The following PARP1 variants were observed in gnomAD, a reference collection of about 807,000 sequenced individuals.
The protein encoded by PARP1 is poly [ADP-ribose] polymerase 1.
In PARP1, 44 loss-of-function variants were observed where a neutral mutation model predicts 118.7. The observed-to-expected ratio is 0.37, with a 90% CI of 0.29 to 0.48. PARP1 has a LOEUF of 0.48. PARP1 is among the 20% of genes least tolerant of loss of function. PARP1 has a pLI of 0.99. For missense variants in PARP1, 1,100 were observed against 1,272.4 expected, an observed-to-expected ratio of 0.86 and a Z score of 2.06; for synonymous variants, 492 against 483.2, an observed-to-expected ratio of 1.02 and a Z score of -0.24.
chr1:226,393,660 A>G (rs1380066475), intron 2 of PARP1, among the ~76,000 whole-genome samples: 2 of 152,246 alleles, frequency 1.3e-5, no homozygotes, highest in Non-Finnish European at 2.9e-5. Context: ...GGCAAAATTA[A>G]TCTATGGGGA....
chr1:226,364,805 G>A lies in PARP1; in HGVS notation c.2658+197C>T, dbSNP rs187149076. 3.3e-5 allele frequency among the ~76,000 whole-genome samples: 5 copies of A among 152,358 alleles called. No individual in the cohort carries two copies. In the East Asian group the frequency reaches 9.6e-4, roughly 29 times the overall value. ...ATCTGCAGCAGGCCCTGGCCTGGAT[G>A]CTCTGCCTCCTTTGTTCCAGAAACT... On this transcript the variant is annotated intron_variant, in intron 19 of 22. Transcript: ENST00000366794.
At chr1:226,364,622 G>A (rs771978297) in intron 19 of PARP1, among the ~76,000 whole-genome samples, 5 of 152,218 alleles carry the variant, frequency 3.3e-5, no homozygotes, top group Non-Finnish European at 5.9e-5. Flanking sequence ...ACGATCCCTC[G>A]TGTCTAGGTA....
At chr1:226,393,047 C>T in intron 2 of PARP1, 1 of 1,369,848 alleles carries the variant, frequency 7.3e-7, no homozygotes, top group Non-Finnish European at 9.8e-7. Context: ...TAAGTAAAGC[C>T]ATCTCTACTT....
intron 13 of PARP1, 136 bp downstream of exon 13, chr1:226,376,971 GA>G: frequency 1.2e-6 from 1 of 825,572 alleles, no homozygotes; most frequent in East Asian, 2.5e-5. Flanking sequence ...GAGAATTTGT[GA>G]AGGACTATTA....
At chr1:226,391,862 T>C (rs1664825727) in intron 3 of PARP1, among the ~76,000 whole-genome samples, 1 of 152,166 alleles carries the variant, frequency 6.6e-6, no homozygotes, top group South Asian at 2.1e-4. Flanking sequence ...TGGAGGCTCA[T>C]AACAGGGTAA....
intron 14 of PARP1, among the ~76,000 whole-genome samples, chr1:226,371,911 A>G (rs1358943887): frequency 6.6e-6 from 1 of 152,268 alleles, no homozygotes; most frequent in Non-Finnish European, 1.5e-5. Flanking sequence ...GGCCGCCCTC[A>G]CTACTGGAAA....
chr1:226,370,576 G>C (rs1664360970), intron 14 of PARP1, 59 bp from the exon 15 acceptor site: 1 of 1,395,246 alleles, frequency 7.2e-7, no homozygotes. Context: ...GATCGCAGGA[G>C]AGCTGGACCG....
intron 18 of PARP1, 149 bp downstream of exon 18, chr1:226,365,805 T>C: frequency 1.9e-6 from 1 of 528,330 alleles, no homozygotes. Flanking sequence ...AAAAAAAAAC[T>C]ACTAATTTTT....
Position 226,367,516 on chromosome 1 carries a change from G to A in PARP1, c.2370C>T (p.Ile790=), listed in dbSNP as rs148234314. The change falls in exon 17 of 23, where the codon ATC becomes ATT. Residue 790 remains isoleucine, a synonymous_variant. Transcript: ENST00000366794. The part of the protein sequence containing the change: ...GGSDDSSKDP[I]DVNYEKLKTD... ...TTTTGAGCTTCTCATAGTTGACATCGATGGGATCCTTGCTGCTATCATCAG... is the reference window on the plus strand; with the variant it reads ...TTTTGAGCTTCTCATAGTTGACATCAATGGGATCCTTGCTGCTATCATCAG... The A allele has an allele frequency of 1.1e-5, 17 of 1,614,082 alleles. No individual in the cohort carries two copies. The highest frequency in any genetic ancestry group is 1.7e-5 in the Admixed American group (1 of 60,026).
intron 6 of PARP1, 114 bp from the exon 7 acceptor site, chr1:226,385,794 G>GCCTCT: frequency 1.0e-6 from 1 of 969,732 alleles, no homozygotes; most frequent in Non-Finnish European, 1.6e-6. Flanking sequence ...AAGAAGAGAG[G>GCCTCT]CTTCTTGCTG....
rs747147514 is a variant in PARP1, at chr1:226,379,613, T to C, written c.1572A>G (p.Lys524=). The C allele has an allele frequency of 3.1e-6, 5 of 1,612,352 alleles. No individual in the cohort carries two copies. Among genetic ancestry groups the C allele is most frequent in the East Asian group, 2.2e-5 (1 of 44,892 alleles). The change falls in exon 11 of 23, where the codon AAA becomes AAG. Residue 524 remains lysine (K), a synonymous_variant. Transcript: ENST00000366794. ...CAGCTGCTCCTCCTTTAAGAGTTAA[T>C]TTCATTCTCTTTTCAGATTTGTTGA... ...EGINKSEKRM[K]LTLKGGAAVD...
intron 14 of PARP1, among the ~76,000 whole-genome samples, chr1:226,373,945 ACT>A (rs756705323): frequency 2.6e-5 from 4 of 151,968 alleles, no homozygotes; most frequent in African/African-American, 4.8e-5. Flanking sequence ...ACATGGTGAG[ACT>A]CTGTCTCAGA....
At chr1:226,397,974 G>GA (rs1199997953) in intron 2 of PARP1, among the ~76,000 whole-genome samples, 8 of 146,174 alleles carry the variant, frequency 5.5e-5, no homozygotes, top group South Asian at 4.3e-4. Flanking sequence ...AAAAAAAAAA[G>GA]AAAAAAAATA....
chr1:226,392,132 G>A (rs971110683), intron 3 of PARP1, 67 bp downstream of exon 3: 2 of 1,062,040 alleles, frequency 1.9e-6, no homozygotes, highest in African/African-American at 3.1e-5. Context: ...CTTTTCTCTT[G>A]AGATAGCCAA....
chr1:226,402,412 A>C (rs759357142), intron 1 of PARP1, 33 bp from the exon 2 acceptor site: 36 of 1,598,914 alleles, frequency 2.3e-5, no homozygotes, highest in Non-Finnish European at 3.1e-5. Context: ...GAAGTAAGTA[A>C]GCAGTTAACT....
chr1:226,402,011 G>A, intron 2 of PARP1: 1 of 1,490,776 alleles, frequency 6.7e-7, no homozygotes, highest in Non-Finnish European at 9.0e-7. Flanking sequence ...CCAAGCACCT[G>A]GAAAAACAAA....
rs189410139 is a variant in PARP1 at position 226,363,158 on chromosome 1, T to C, written c.2789A>G (p.Tyr930Cys). Residue 930 changes from tyrosine to cysteine, a missense_variant and splice_region_variant, in exon 21 of 23, where the codon TAT becomes TGT. Around this residue, in one of 2 missense-constraint regions of PARP1, gnomAD observed 152 missense variants for 240.6 expected, o/e 0.63. Transcript: ENST00000366794. ...GATATGTGAAGCGTGCTTCAGTTCA[T>C]ACCTATTCAAAAGAGGACAGTCTCA... ...LLGEVALGNM[Y>C]ELKHASHISK... The C allele has an allele frequency of 1.8e-5, 29 of 1,611,606 alleles. No individual in the cohort carries two copies. In the East Asian group the frequency reaches 5.8e-4, roughly 32 times the overall value.
chr1:226,377,128 G>C lies in PARP1; in HGVS notation c.1921C>G (p.Leu641Val). The C allele has an allele frequency of 6.2e-7, 1 of 1,613,912 alleles. No homozygotes were observed. The highest frequency in any genetic ancestry group is 8.5e-7 in the Non-Finnish European group (1 of 1,179,978). The stretch of plus-strand genomic sequence containing the variant: ...GTTACCTGGCCATAGTCAATCTCCA[G>C]GGGGTAGAACTTTTTGGGATACTTC... The part of the protein sequence containing the change: ...FTKYPKKFYP[L>V]EIDYGQDEEA... The change falls in exon 13 of 23, where the codon CTG becomes GTG. Residue 641 changes from leucine to valine, a missense_variant. By Grantham distance (32) the Leu-to-Val change is conservative. Coordinates refer to ENST00000366794, the MANE Select transcript of PARP1 (RefSeq NM_001618.4).
In PARP1 at chr1:226,365,946, A is replaced by G. The variant is rs1309768442; in HGVS notation, c.2505+8T>C. On this transcript the variant is annotated splice_region_variant and intron_variant, in intron 18 of 22. Transcript: ENST00000366794. ...ACAGAAGGAAGTGGGGGAAGAAGGG[A>G]TTCTTACATCGATGACTTCCAAGTC... is the stretch of plus-strand genomic sequence containing the variant. 1 of 1,573,386 alleles carries G rather than the reference A, an allele frequency of 6.4e-7. No individual in the cohort carries two copies. The highest frequency in any genetic ancestry group is 8.8e-7 in the Non-Finnish European group (1 of 1,142,830).
Sources: allele counts gnomAD v4.1 joint callset (sites outside exome capture counted in the v4.1 genomes callset), GRCh38; gene constraint gnomAD v4.1.1; regional missense constraint gnomAD v4.1.1; transcripts MANE v1.5; gene names NCBI Gene and HGNC (gene_info 2026-07-23, HGNC 2026-07-21).